Variants in CDC42SE2 observed in about 807,000 individuals in gnomAD.
CDC42SE2 encodes CDC42 small effector 2, also known as CDC42 small effector protein 2.
CDC42SE2 carries 3 observed loss-of-function variants against 11.5 expected under a neutral mutation model. The ratio of observed to expected loss-of-function variants is 0.26; its 90% confidence interval spans 0.12 to 0.67. The LOEUF (loss-of-function observed/expected upper bound fraction) is 0.67. Ranked by LOEUF, CDC42SE2 falls within the 30% of genes least tolerant of loss-of-function variation. CDC42SE2 has a pLI of 0.80. For synonymous variants in CDC42SE2, 33 were observed against 34.8 expected (o/e 0.95, Z 0.18); for missense variants, 82 against 106.8 (o/e 0.77, Z 1.02).
chr5:131,364,610 TCAGA>T (rs1163719445), intron 3 of CDC42SE2, among the ~76,000 whole-genome samples: 60 of 152,206 alleles, frequency 3.9e-4, no homozygotes, highest in Admixed American at 7.9e-4. Context: ...TACTGTATGC[TCAGA>T]CAGAGAGCAC....
intron 3 of CDC42SE2, among the ~76,000 whole-genome samples, chr5:131,364,355 A>G (rs117734351): frequency 0.011 from 1,608 of 152,282 alleles, 81 homozygotes; most frequent in East Asian, 0.041. Context: ...AAGCACTTAG[A>G]GTGAGTAGTA....
At chr5:131,364,454 G>GT (rs1314718583) in intron 3 of CDC42SE2, among the ~76,000 whole-genome samples, 2 of 152,184 alleles carry the variant, frequency 1.3e-5, no homozygotes, top group Non-Finnish European at 2.9e-5. Flanking sequence ...GGTCTAAGAG[G>GT]TAACCAAGGG....
chr5:131,352,875 C>T (rs937950402), intron 2 of CDC42SE2, among the ~76,000 whole-genome samples: 1 of 152,162 alleles, frequency 6.6e-6, no homozygotes, highest in Non-Finnish European at 1.5e-5. Context: ...ACCAGTTCTT[C>T]CAAAGTTTCT....
intron 1 of CDC42SE2, among the ~76,000 whole-genome samples, chr5:131,301,844 T>C (rs943161683): frequency 6.6e-6 from 1 of 152,020 alleles, no homozygotes; most frequent in Non-Finnish European, 1.5e-5. Context: ...TGTATCATCA[T>C]AATATTAAGC....
At chr5:131,278,583 A>T (rs966582663) in intron 1 of CDC42SE2, among the ~76,000 whole-genome samples, 1 of 151,196 alleles carries the variant, frequency 6.6e-6, no homozygotes, top group Non-Finnish European at 1.5e-5. Context: ...GAAGCTACAA[A>T]TCAGGGGCCC....
intron 1 of CDC42SE2, among the ~76,000 whole-genome samples, chr5:131,278,936 C>G (rs1301201728): frequency 1.3e-5 from 2 of 148,428 alleles, no homozygotes; most frequent in Non-Finnish European, 3.0e-5. Context: ...AGGTGTGCAC[C>G]ACCACGCCCG....
chr5:131,286,449 A>G (rs1008977890), intron 1 of CDC42SE2, among the ~76,000 whole-genome samples: 1 of 142,052 alleles, frequency 7.0e-6, no homozygotes, highest in African/African-American at 2.7e-5. Context: ...GAAGGCACGT[A>G]TAGGGAGTGG....
chr5:131,359,304 A>C lies in CDC42SE2; in HGVS notation c.-190A>C, dbSNP rs1749641920. 1.6e-6 allele frequency: 1 copy of C among 612,434 alleles called. No homozygotes were observed. The highest frequency in any genetic ancestry group is 2.9e-5 in the Admixed American group (1 of 34,550). The allele number at this position is 612,434 out of a possible 1,614,324, so 37.9% of individuals were successfully genotyped here. ...TGTAGAACCAGAAGCAAAGAAAGGAAACAATCCAAATTTTTCTTTATTAAA... is the reference window on the plus strand; with the variant it reads ...TGTAGAACCAGAAGCAAAGAAAGGACACAATCCAAATTTTTCTTTATTAAA... On this transcript the variant is annotated 5_prime_UTR_variant, in exon 3 of 5. Transcript: ENST00000505065.
chr5:131,213,583 G>A, the CDC42SE2 span, among the ~76,000 whole-genome samples: 2 of 152,002 alleles, frequency 1.3e-5, no homozygotes, highest in Admixed American at 6.6e-5. Flanking sequence ...CAAGTAGCTG[G>A]GACTACAGGT....
At chr5:131,257,940 C>T (rs190379498) in intron 2 of CDC42SE2, among the ~76,000 whole-genome samples, 83 of 152,258 alleles carry the variant, frequency 5.5e-4, no homozygotes, top group South Asian at 1.9e-3. Context: ...TAGTTCTGCT[C>T]GTTCTTCCGT....
At chr5:131,222,094 GGGTGA>G in the CDC42SE2 span, among the ~76,000 whole-genome samples, 28 of 152,218 alleles carry the variant, frequency 1.8e-4, no homozygotes, top group African/African-American at 6.8e-4. Flanking sequence ...ATGCTCACAT[GGGTGA>G]GTGTTTCAGA....
At chr5:131,224,812 G>A in the CDC42SE2 span, among the ~76,000 whole-genome samples, 12 of 151,830 alleles carry the variant, frequency 7.9e-5, no homozygotes, top group East Asian at 1.9e-4. Flanking sequence ...AAGGGTGACC[G>A]CAGCAGATGC....
chr5:131,275,417 C>T (rs886093842), intron 1 of CDC42SE2, among the ~76,000 whole-genome samples: 1 of 151,980 alleles, frequency 6.6e-6, no homozygotes, highest in Non-Finnish European at 1.5e-5. Flanking sequence ...GTGCCTCAGC[C>T]TCCCAAGTAG....
Position 131,292,106 on chromosome 5 carries a change from G to T in CDC42SE2, c.-454-23870G>T, listed in dbSNP as rs376431583. 2.0e-4 allele frequency among the ~76,000 whole-genome samples: 31 copies of T among 151,796 alleles called. 1 individual carries two copies. The East Asian group carries it at 5.8e-3, about 28-fold the overall frequency. On this transcript the variant is annotated intron_variant, in intron 1 of 4. Transcript: ENST00000505065. ...AATAAAAAATTAGCTAGGCATGGTG[G>T]CGCATGCCTGTTGTCTCAACTACTC...
intron 2 of CDC42SE2, among the ~76,000 whole-genome samples, chr5:131,332,317 A>G (rs1395174614): frequency 2.0e-5 from 3 of 152,334 alleles, no homozygotes; most frequent in Middle Eastern, 3.4e-3. Flanking sequence ...TTATGGCTGC[A>G]TAGTATTCCA....
intron 1 of CDC42SE2, among the ~76,000 whole-genome samples, chr5:131,305,607 GT>G (rs1198981149): frequency 6.6e-6 from 1 of 151,990 alleles, no homozygotes; most frequent in Non-Finnish European, 1.5e-5. Context: ...TGATTAAGTT[GT>G]TTTCTTGCTA....
At chr5:131,348,925 C>G (rs1289413394) in intron 2 of CDC42SE2, among the ~76,000 whole-genome samples, 1 of 152,172 alleles carries the variant, frequency 6.6e-6, no homozygotes, top group Non-Finnish European at 1.5e-5. Flanking sequence ...GCTGGGAAAA[C>G]TGGCTAGCCA....
At chr5:131,213,346 C>T in the CDC42SE2 span, among the ~76,000 whole-genome samples, 1 of 152,162 alleles carries the variant, frequency 6.6e-6, no homozygotes, top group Non-Finnish European at 1.5e-5. Flanking sequence ...AATTAAATCT[C>T]ATACATAATT....
At chr5:131,299,873 G>A (rs10042016) in intron 1 of CDC42SE2, among the ~76,000 whole-genome samples, 28,232 of 152,134 alleles carry the variant, frequency 0.19, 6,767 homozygotes, top group African/African-American at 0.56. Flanking sequence ...TGACTGGATT[G>A]TCTGAGAACC....
Sources: gnomAD v4.1 joint callset for allele counts (sites outside exome capture counted in the v4.1 genomes callset) on GRCh38, gnomAD v4.1.1 for gene constraint, MANE v1.5 for transcripts, NCBI Gene and HGNC (gene_info 2026-07-23, HGNC 2026-07-21) for gene names.